The following EFR3B variants were observed in gnomAD, a reference collection of about 807,000 sequenced individuals.
EFR3B encodes protein EFR3 homolog B.
In EFR3B, 64 loss-of-function variants were observed where a neutral mutation model predicts 104.7. That is an observed-to-expected ratio of 0.61 (90% confidence interval 0.50 to 0.75). EFR3B has a LOEUF of 0.75. Ranked by LOEUF, EFR3B falls within the 30% of genes least tolerant of loss-of-function variation. EFR3B has a pLI of 0.00. For missense variants in EFR3B, 750 were observed against 1,078.5 expected (o/e 0.70, Z 4.27); for synonymous variants, 385 against 417.9 (o/e 0.92, Z 0.96).
chr2:25,057,539 T>C (rs956538730), intron 1 of EFR3B, among the ~76,000 whole-genome samples: 4 of 152,186 alleles, frequency 2.6e-5, no homozygotes, highest in African/African-American at 7.2e-5. Flanking sequence ...CCCAACACTT[T>C]GGGAGGCTGA....
intron 1 of EFR3B, among the ~76,000 whole-genome samples, chr2:25,058,716 G>T (rs1449010873): frequency 6.7e-6 from 1 of 149,764 alleles, no homozygotes; most frequent in African/African-American, 2.5e-5. Flanking sequence ...CCGAGATCAC[G>T]CCACTGCACT....
intron 1 of EFR3B, among the ~76,000 whole-genome samples, chr2:25,057,682 T>C (rs758080644): frequency 6.6e-6 from 1 of 151,386 alleles, no homozygotes; most frequent in Non-Finnish European, 1.5e-5. Flanking sequence ...CTTGGGAGGC[T>C]GAGGCAGGAG....
At position 25,130,422 on chromosome 2, in the gene EFR3B, G is replaced by T; in HGVS notation, c.771-130G>T. On this transcript the variant is annotated intron_variant, in intron 7 of 22. Coordinates refer to ENST00000403714, the MANE Select transcript of EFR3B (RefSeq NM_014971.2). The surrounding 1 kb of genome is among the most constrained non-coding windows in gnomAD (Gnocchi z 4.6). ...ACTGGGACTACCCCAAGGCCCTTCAGGCTTCACTTCCTCACCCGGGAACTG... is the reference window on the plus strand; with the variant it reads ...ACTGGGACTACCCCAAGGCCCTTCATGCTTCACTTCCTCACCCGGGAACTG... 2 of 889,234 alleles carry T rather than the reference G, an allele frequency of 2.2e-6. No individual in the cohort carries two copies. Among genetic ancestry groups the T allele is most frequent in the Non-Finnish European group, 3.6e-6 (2 of 551,938 alleles). The allele number at this position is 889,234 out of a possible 1,614,324, so 55.1% of individuals were successfully genotyped here.
intron 1 of EFR3B, among the ~76,000 whole-genome samples, chr2:25,052,168 C>T (rs568501140): frequency 6.6e-6 from 1 of 151,496 alleles, no homozygotes; most frequent in East Asian, 2.0e-4. Flanking sequence ...TGGGCTCCAG[C>T]CTGGGCAACA....
At chr2:25,069,805 T>A (rs1668443887) in intron 1 of EFR3B, among the ~76,000 whole-genome samples, 4 of 152,298 alleles carry the variant, frequency 2.6e-5, no homozygotes, top group Admixed American at 2.6e-4. Context: ...CAGGACATTC[T>A]CCTGCCTCAG....
rs1436978448 is a variant in EFR3B, at chr2:25,139,061, C to T, written c.1725C>T (p.Asp575=). 25 of 1,551,674 alleles carry T rather than the reference C, an allele frequency of 1.6e-5. No homozygotes were observed. Among genetic ancestry groups the T allele is most frequent in the Middle Eastern group, 1.7e-4 (1 of 5,990 alleles). ...AGGCCTTGTCTATGTTGCCGCAGGA[C>T]GTGGCCCAAGTCAATGAGGAGAACT... is the stretch of plus-strand genomic sequence containing the variant. ...DLIRLVLAVQ[D]VAQVNEENLP... The change falls in exon 16 of 23, where the codon GAC becomes GAT. Residue 575 remains aspartate, a splice_region_variant and synonymous_variant. Transcript: ENST00000403714.
At position 25,150,105 on chromosome 2, in the gene EFR3B, G is replaced by A. The variant is rs1051963182; in HGVS notation, c.2191+363G>A. The stretch of plus-strand genomic sequence containing the variant: ...TCTCAAGGTCAGGAGTTGGAGACCA[G>A]CCTGACCAATGTGGTGAAACCCTGT... On this transcript the variant is annotated intron_variant, in intron 20 of 22. Transcript: ENST00000403714. Among the ~76,000 whole-genome samples, 4 of 152,224 alleles carry A rather than the reference G, an allele frequency of 2.6e-5. No individual in the cohort carries two copies. In the South Asian group the frequency reaches 8.3e-4, roughly 32 times the overall value.
intron 10 of EFR3B, among the ~76,000 whole-genome samples, 157 bp from the exon 11 acceptor site, chr2:25,132,746 G>A (rs1670387890): frequency 6.6e-6 from 1 of 152,184 alleles, no homozygotes; most frequent in Non-Finnish European, 1.5e-5. Context: ...CTTTCCTGGA[G>A]AGGCCGAATC....
intron 1 of EFR3B, among the ~76,000 whole-genome samples, chr2:25,050,372 T>C (rs1252417176): frequency 6.6e-6 from 1 of 152,124 alleles, no homozygotes; most frequent in Non-Finnish European, 1.5e-5. Context: ...AAGAAAGCTT[T>C]GGACCACAAG....
intron 1 of EFR3B, among the ~76,000 whole-genome samples, chr2:25,076,847 G>C (rs906248738): frequency 2.0e-5 from 3 of 152,120 alleles, no homozygotes; most frequent in African/African-American, 4.8e-5. Context: ...AGCTCCAAAA[G>C]GTCAGGCCAC....
intron 1 of EFR3B, among the ~76,000 whole-genome samples, chr2:25,054,436 C>T (rs1280327143): frequency 6.6e-6 from 1 of 151,930 alleles, no homozygotes; most frequent in Non-Finnish European, 1.5e-5. Flanking sequence ...ATTCTCCTGC[C>T]CCAGCCTCCC....
intron 17 of EFR3B, among the ~76,000 whole-genome samples, chr2:25,142,385 G>T (rs974470480): frequency 6.6e-6 from 1 of 150,740 alleles, no homozygotes; most frequent in Non-Finnish European, 1.5e-5. Flanking sequence ...GGAGGCAAAG[G>T]TTGCAGTGAG....
intron 1 of EFR3B, among the ~76,000 whole-genome samples, chr2:25,068,757 G>A (rs1165173694): frequency 1.3e-5 from 2 of 148,912 alleles, no homozygotes; most frequent in Non-Finnish European, 3.0e-5. Context: ...AGCCTCCAGA[G>A]TAGCTGGAAC....
intron 1 of EFR3B, among the ~76,000 whole-genome samples, chr2:25,075,155 TC>T (rs1456027320): frequency 2.0e-5 from 3 of 152,202 alleles, no homozygotes; most frequent in Admixed American, 2.0e-4. Flanking sequence ...AATTGTCCTT[TC>T]CTACTTGAGC....
At chr2:25,125,774 C>A (rs934464476) in intron 5 of EFR3B, among the ~76,000 whole-genome samples, 1 of 152,150 alleles carries the variant, frequency 6.6e-6, no homozygotes, top group Non-Finnish European at 1.5e-5. Context: ...CGGTGAAACC[C>A]TGTCTCTACT....
rs113661899 is a variant in EFR3B, at chr2:25,097,620, G to A, written c.212+4490G>A. Among the ~76,000 whole-genome samples the A allele has an allele frequency of 3.4e-4, 52 of 152,236 alleles. 1 individual carries two copies. Among genetic ancestry groups the A allele is most frequent in the African/African-American group, 9.9e-4 (41 of 41,548 alleles). ...TTTAGCATGGGGACGGCGGTGGGCA[G>A]CCCAATGTGGGCAGAGAGAGGATGA... On this transcript the variant is annotated intron_variant, in intron 3 of 22. Coordinates refer to ENST00000403714, the MANE Select transcript of EFR3B (RefSeq NM_014971.2).
At chr2:25,066,144 G>A (rs1174530806) in intron 1 of EFR3B, among the ~76,000 whole-genome samples, 1 of 152,124 alleles carries the variant, frequency 6.6e-6, no homozygotes, top group African/African-American at 2.4e-5. Flanking sequence ...CTAGCCCAGT[G>A]TGACATCCCC....
chr2:25,045,653 G>A (rs993451108), intron 1 of EFR3B, among the ~76,000 whole-genome samples: 1 of 152,028 alleles, frequency 6.6e-6, no homozygotes, highest in Non-Finnish European at 1.5e-5. Flanking sequence ...GTGGTGGCAG[G>A]TACCTGTAAT....
chr2:25,148,608 G>A (rs17039879), intron 19 of EFR3B, among the ~76,000 whole-genome samples: 14,169 of 151,520 alleles, frequency 0.094, 1,513 homozygotes, highest in African/African-American at 0.27. Context: ...AGTCGCATTG[G>A]TGGGTAATTT....
Sources: gnomAD v4.1 joint callset for allele counts (sites outside exome capture counted in the v4.1 genomes callset) on GRCh38, gnomAD v4.1.1 for gene constraint, Gnocchi (gnomAD v3.1) non-coding constraint, MANE v1.5 for transcripts, NCBI Gene and HGNC (gene_info 2026-07-23, HGNC 2026-07-21) for gene names.